PTPRK: variants seen among roughly 807,000 people sequenced by gnomAD.
PTPRK encodes the protein protein tyrosine phosphatase receptor type K.
In PTPRK, 75 loss-of-function variants were observed where a neutral mutation model predicts 178.0. The ratio of observed to expected loss-of-function variants is 0.42; its 90% confidence interval spans 0.35 to 0.51. The LOEUF is 0.51. Among genes scored for constraint, PTPRK ranks in the 20% least tolerant of loss-of-function variants. PTPRK has a pLI of 0.02. For missense variants in PTPRK, 1,441 were observed against 1,797.8 expected (o/e 0.80, Z 3.59); for synonymous variants, 637 against 620.6 (o/e 1.03, Z -0.39).
At position 128,184,741 on chromosome 6, in the gene PTPRK, G is replaced by T. The variant is rs752038823; in HGVS notation, c.869-16C>A. On this transcript the variant is annotated splice_polypyrimidine_tract_variant and intron_variant, in intron 6 of 29. Transcript: ENST00000368226. Reference sequence around the variant, plus strand: ...CTTGGCGGTTCTAGGAGAGATGAGTGTGCACTTCAATTAGTAAGATTTAAA... The same window carrying T: ...CTTGGCGGTTCTAGGAGAGATGAGTTTGCACTTCAATTAGTAAGATTTAAA... 2.5e-6 allele frequency: 4 copies of T among 1,605,354 alleles called. No individual in the cohort carries two copies. In the African/African-American group the frequency reaches 5.4e-5, roughly 22 times the overall value.
At chr6:128,290,947 T>C (rs1051686142) in intron 3 of PTPRK, among the ~76,000 whole-genome samples, 8 of 152,068 alleles carry the variant, frequency 5.3e-5, no homozygotes, top group Non-Finnish European at 1.2e-4. Context: ...TCTCATTTTA[T>C]AAATAAGGAA....
intron 1 of PTPRK, among the ~76,000 whole-genome samples, chr6:128,515,480 T>A (rs1221693713): frequency 6.6e-6 from 1 of 152,106 alleles, no homozygotes; most frequent in African/African-American, 2.4e-5. Flanking sequence ...GAAACACCAT[T>A]TGAAGAAGGA....
chr6:127,991,190 A>T, intron 20 of PTPRK, 104 bp downstream of exon 20: 2 of 873,568 alleles, frequency 2.3e-6, no homozygotes, highest in South Asian at 2.4e-5. Flanking sequence ...TGTGCCTATA[A>T]TTTTTTTTAA....
At chr6:128,320,069 G>T (rs1016892836) in intron 3 of PTPRK, among the ~76,000 whole-genome samples, 1 of 152,210 alleles carries the variant, frequency 6.6e-6, no homozygotes, top group African/African-American at 2.4e-5. Context: ...TATTTATTTA[G>T]TCATCATTTT....
chr6:128,044,648 A>AT (rs5879875), intron 13 of PTPRK, among the ~76,000 whole-genome samples: 1 of 150,804 alleles, frequency 6.6e-6, no homozygotes, highest in Non-Finnish European at 1.5e-5. Flanking sequence ...AGACAGGCTA[A>AT]TTTTTTTTTT....
chr6:128,490,005 T>C (rs1853539902), intron 1 of PTPRK, among the ~76,000 whole-genome samples: 1 of 152,206 alleles, frequency 6.6e-6, no homozygotes, highest in Admixed American at 6.5e-5. Flanking sequence ...TTAAGAACTA[T>C]TTTAAAACAT....
At chr6:128,029,045 C>G (rs1774820900) in intron 13 of PTPRK, among the ~76,000 whole-genome samples, 1 of 152,118 alleles carries the variant, frequency 6.6e-6, no homozygotes, top group Non-Finnish European at 1.5e-5. Flanking sequence ...TTTGTGCCCT[C>G]CAAATCTCAT....
chr6:128,314,416 A>G (rs1013840974), intron 3 of PTPRK, among the ~76,000 whole-genome samples: 1 of 152,226 alleles, frequency 6.6e-6, no homozygotes, highest in Admixed American at 6.5e-5. Context: ...GATAAAATAA[A>G]TAAGTCAGTA....
chr6:128,224,201 T>C (rs1160133873), intron 5 of PTPRK, among the ~76,000 whole-genome samples: 2 of 151,988 alleles, frequency 1.3e-5, no homozygotes, highest in African/African-American at 4.8e-5. Flanking sequence ...CTAGCACTAC[T>C]TTTTTTACCT....
At chr6:128,270,664 G>A (rs797005067) in intron 3 of PTPRK, among the ~76,000 whole-genome samples, 43 of 152,168 alleles carry the variant, frequency 2.8e-4, no homozygotes, top group African/African-American at 9.4e-4. Context: ...TTATATATGC[G>A]TCTTTAGATA....
rs545829412 is a variant in PTPRK at position 128,244,055 on chromosome 6, G to A, written c.496-1453C>T. On this transcript the variant is annotated intron_variant, in intron 3 of 29. Coordinates refer to ENST00000368226, the MANE Select transcript of PTPRK (RefSeq NM_002844.4). ...TTACTGACTCAGTTGTGAAATATAG[G>A]ACAACTCAATGATTTCTGGCTTAGA... 3.3e-5 allele frequency among the ~76,000 whole-genome samples: 5 copies of A among 152,254 alleles called. No individual in the cohort carries two copies. In the East Asian group the frequency reaches 9.6e-4, roughly 29 times the overall value.
chr6:128,066,866 T>C (rs564791510), intron 12 of PTPRK, among the ~76,000 whole-genome samples: 9 of 152,232 alleles, frequency 5.9e-5, no homozygotes, highest in South Asian at 2.1e-4. Flanking sequence ...TCAATATTCA[T>C]TTGGGATCAG....
intron 7 of PTPRK, among the ~76,000 whole-genome samples, chr6:128,111,463 C>T (rs1790647067): frequency 6.6e-6 from 1 of 152,150 alleles, no homozygotes; most frequent in African/African-American, 2.4e-5. Flanking sequence ...AGCTGTAGAA[C>T]TTAAACTGTA....
chr6:128,144,189 T>C (rs935343548), intron 7 of PTPRK, among the ~76,000 whole-genome samples: 5 of 152,174 alleles, frequency 3.3e-5, no homozygotes, highest in Non-Finnish European at 5.9e-5. Context: ...TCTCAGATTA[T>C]CTATAGTGAA....
At position 128,108,070 on chromosome 6, in the gene PTPRK, AC is replaced by A. The variant is rs1334007621; in HGVS notation, c.1163-18079del. Reference sequence around the variant, plus strand: ...ACAAACCAAATCCCTAAATAGCAAAACACACACACACACACACACACACACA... The same window carrying A: ...ACAAACCAAATCCCTAAATAGCAAAAACACACACACACACACACACACACA... On this transcript the variant is annotated intron_variant, in intron 7 of 29. Transcript: ENST00000368226. 5.2e-4 allele frequency among the ~76,000 whole-genome samples: 15 copies of A among 28,804 alleles called. No individual in the cohort carries two copies. In the African/African-American group the frequency reaches 5.2e-3, roughly 10 times the overall value. The allele number at this position is 28,804 out of a possible 152,430, so 18.9% of individuals were successfully genotyped here.
chr6:128,135,712 T>A (rs10872329), intron 7 of PTPRK, among the ~76,000 whole-genome samples: 14,287 of 152,114 alleles, frequency 0.094, 1,169 homozygotes, highest in African/African-American at 0.21. Context: ...GCTAATTCCA[T>A]ATGCTGTTGA....
chr6:128,196,083 G>A (rs1260714480), intron 6 of PTPRK, among the ~76,000 whole-genome samples: 1 of 152,070 alleles, frequency 6.6e-6, no homozygotes, highest in African/African-American at 2.4e-5. Flanking sequence ...GGGAACCAGA[G>A]GACAGGTTAT....
At chr6:128,490,063 A>G (rs77921556) in intron 1 of PTPRK, among the ~76,000 whole-genome samples, 2,482 of 152,356 alleles carry the variant, frequency 0.016, 31 homozygotes, top group Non-Finnish European at 0.026. Flanking sequence ...TCAATTCATC[A>G]GACCAGTCAT....
chr6:128,082,509 A>T lies in PTPRK; in HGVS notation c.1705T>A (p.Phe569Ile). The T allele has an allele frequency of 6.2e-7, 1 of 1,613,408 alleles. No homozygotes were observed. Among genetic ancestry groups the T allele is most frequent in the Non-Finnish European group, 8.5e-7 (1 of 1,179,554 alleles). Reference protein sequence around the residue: ...MHLHPGTTYQFFIRASTVKGF... With the variant: ...MHLHPGTTYQIFIRASTVKGF... ...TTGACCGTGCTGGCTCTTATGAAAAACTGGTACGTGGTTCCAGGGTGGAGA... is the reference window on the plus strand; with the variant it reads ...TTGACCGTGCTGGCTCTTATGAAAATCTGGTACGTGGTTCCAGGGTGGAGA... The change falls in exon 10 of 30, where the codon TTT becomes ATT. Residue 569 changes from phenylalanine to isoleucine, a missense_variant. Transcript: ENST00000368226.
Sources: allele counts gnomAD v4.1 joint callset (sites outside exome capture counted in the v4.1 genomes callset), GRCh38; gene constraint gnomAD v4.1.1; transcripts MANE v1.5; gene names NCBI Gene and HGNC (gene_info 2026-07-23, HGNC 2026-07-21).